FHOD3: variants seen among roughly 807,000 people sequenced by gnomAD.
FHOD3 encodes the protein FH1/FH2 domain-containing protein 3.
Under a neutral mutation model 173.0 loss-of-function variants are expected in FHOD3, and 90 were observed. The ratio of observed to expected loss-of-function variants is 0.52; its 90% CI spans 0.44 to 0.62. The LOEUF (loss-of-function observed/expected upper bound fraction) is 0.62. Among genes scored for constraint, FHOD3 ranks in the 20% least tolerant of loss-of-function variants. The pLI is 0.00. For missense variants in FHOD3, 1,945 were observed against 2,034.7 expected, an observed-to-expected ratio of 0.96 and a Z score of 0.85; for synonymous variants, 828 against 823.0, an observed-to-expected ratio of 1.01 and a Z score of -0.10.
chr18:36,611,990 C>A lies in FHOD3; in HGVS notation c.852C>A (p.Asp284Glu). 6.2e-7 allele frequency: 1 copy of A among 1,614,126 alleles called. No individual in the cohort carries two copies. Among genetic ancestry groups the A allele is most frequent in the Non-Finnish European group, 8.5e-7 (1 of 1,180,004 alleles). Residue 284 changes from aspartate (D) to glutamate (E), a missense_variant, in exon 9 of 29, where the codon GAC becomes GAA. Asp to Glu is a conservative substitution (Grantham distance 45). Around this residue, in one of 5 missense-constraint regions of FHOD3, gnomAD observed 1,099 missense variants for 1,051.2 expected, o/e 1.05. Transcript: ENST00000590592. ...SGLPDQDTFY[D>E]VVDCLEELGI... The stretch of plus-strand genomic sequence containing the variant: ...TACCAGACCAAGACACCTTCTACGA[C>A]GTCGTGGACTGCCTGGAGGAGCTGG...
intron 6 of FHOD3, among the ~76,000 whole-genome samples, chr18:36,592,086 G>A (rs758279192): frequency 7.9e-5 from 12 of 152,190 alleles, no homozygotes; most frequent in Non-Finnish European, 1.8e-4. Flanking sequence ...AGGCATGGTG[G>A]TGCGCACCTG....
At chr18:36,326,671 C>T (rs556436298) in intron 1 of FHOD3, among the ~76,000 whole-genome samples, 12 of 152,250 alleles carry the variant, frequency 7.9e-5, no homozygotes, top group African/African-American at 2.2e-4. Flanking sequence ...GGATCACTTG[C>T]GCCTAGGAGT....
intron 14 of FHOD3, among the ~76,000 whole-genome samples, chr18:36,666,373 G>A (rs1230678843): frequency 6.6e-6 from 1 of 152,212 alleles, no homozygotes; most frequent in Non-Finnish European, 1.5e-5. Context: ...GCTAGGATAT[G>A]ACCCTGAAGC....
chr18:36,761,614 C>A (rs2042883170), intron 27 of FHOD3, among the ~76,000 whole-genome samples: 1 of 152,164 alleles, frequency 6.6e-6, no homozygotes, highest in Non-Finnish European at 1.5e-5. Flanking sequence ...TCCCTCAGTT[C>A]AGGATGCCCG....
chr18:36,396,862 G>A (rs1047150843), intron 3 of FHOD3, among the ~76,000 whole-genome samples: 2 of 138,406 alleles, frequency 1.4e-5, no homozygotes, highest in African/African-American at 2.8e-5. Flanking sequence ...CTTTTAGCAG[G>A]AGGCTTGGTT....
intron 3 of FHOD3, among the ~76,000 whole-genome samples, chr18:36,462,514 G>A (rs1261175889): frequency 6.6e-6 from 1 of 152,034 alleles, no homozygotes; most frequent in Non-Finnish European, 1.5e-5. Context: ...TGTGTTTTTA[G>A]TAGAGATGGG....
intron 2 of FHOD3, among the ~76,000 whole-genome samples, chr18:36,365,020 A>G (rs527251149): frequency 2.9e-4 from 44 of 152,306 alleles, no homozygotes; most frequent in Non-Finnish European, 5.9e-4. Context: ...GTGTCCCATC[A>G]CAGGGTACGT....
intron 6 of FHOD3, among the ~76,000 whole-genome samples, chr18:36,585,598 C>T (rs2059000931): frequency 6.6e-6 from 1 of 152,218 alleles, no homozygotes; most frequent in Admixed American, 6.5e-5. Context: ...GGCTAAACAG[C>T]AGTTTCTTCC....
chr18:36,513,670 T>G (rs2055787048), intron 5 of FHOD3, among the ~76,000 whole-genome samples: 1 of 152,158 alleles, frequency 6.6e-6, no homozygotes, highest in Non-Finnish European at 1.5e-5. Context: ...TGCTTCCTTA[T>G]GTTCTGTGGC....
chr18:36,420,867 T>C (rs2049949169), intron 3 of FHOD3, among the ~76,000 whole-genome samples: 1 of 151,878 alleles, frequency 6.6e-6, no homozygotes, highest in Admixed American at 6.6e-5. Flanking sequence ...ATCTGAGGAG[T>C]GTAAATAGTA....
intron 3 of FHOD3, among the ~76,000 whole-genome samples, chr18:36,396,306 G>C (rs1422428948): frequency 2.0e-5 from 3 of 152,114 alleles, no homozygotes; most frequent in Non-Finnish European, 4.4e-5. Context: ...TTTTCTTATA[G>C]TTTTCAATAT....
chr18:36,415,375 G>T (rs1256843359), intron 3 of FHOD3, among the ~76,000 whole-genome samples: 1 of 152,226 alleles, frequency 6.6e-6, no homozygotes, highest in Non-Finnish European at 1.5e-5. Flanking sequence ...GAGCAGTGAG[G>T]CTGAGATAGG....
At chr18:36,663,683 T>G (rs1249674399) in intron 14 of FHOD3, among the ~76,000 whole-genome samples, 1 of 152,254 alleles carries the variant, frequency 6.6e-6, no homozygotes, top group Non-Finnish European at 1.5e-5. Flanking sequence ...AACACCTATC[T>G]CCACCATGTT....
chr18:36,616,663 C>T (rs1222495532), intron 9 of FHOD3, among the ~76,000 whole-genome samples: 1 of 152,198 alleles, frequency 6.6e-6, no homozygotes, highest in Non-Finnish European at 1.5e-5. Context: ...TAAAACATTA[C>T]AACTCAGAAG....
At chr18:36,765,132 T>G (rs972411174) in intron 27 of FHOD3, among the ~76,000 whole-genome samples, 3 of 152,148 alleles carry the variant, frequency 2.0e-5, no homozygotes, top group Admixed American at 2.0e-4. Flanking sequence ...GGATGGGGGT[T>G]GGAGGGAGGA....
chr18:36,611,908 A>C (rs749572966), intron 8 of FHOD3, 44 bp from the exon 9 acceptor site: 1 of 1,577,076 alleles, frequency 6.3e-7, no homozygotes, highest in Non-Finnish European at 8.6e-7. Flanking sequence ...GCCTCAAGGC[A>C]GTCTTCTGTG....
rs955594141 is a variant in FHOD3, at chr18:36,297,726, C to A, written c.-110C>A. The A allele has an allele frequency of 3.0e-4, 253 of 841,630 alleles. 1 individual carries two copies. Among genetic ancestry groups the A allele is most frequent in the Non-Finnish European group, 3.6e-4 (238 of 656,196 alleles). The allele number at this position is 841,630 out of a possible 1,614,324, so 52.1% of individuals were successfully genotyped here. A position where few individuals can be genotyped will look rare whatever the true frequency, so the allele number is the denominator to read the frequency against. Reference sequence around the variant, plus strand: ...CCCGGCGCGCCTGAGCCTGCGAGTCCGCGAGCCAGCGAGCTGCGGCTGCGG... The same window carrying A: ...CCCGGCGCGCCTGAGCCTGCGAGTCAGCGAGCCAGCGAGCTGCGGCTGCGG... On this transcript the variant is annotated 5_prime_UTR_variant, in exon 1 of 29. Coordinates refer to ENST00000590592, the MANE Select transcript of FHOD3 (RefSeq NM_001281740.3).
At chr18:36,476,224 G>A (rs968900665) in intron 3 of FHOD3, among the ~76,000 whole-genome samples, 1 of 152,134 alleles carries the variant, frequency 6.6e-6, no homozygotes, top group African/African-American at 2.4e-5. Flanking sequence ...TGCTGGCTGC[G>A]ACAGCTCCTG....
At chr18:36,678,157 G>C (rs1021251614) in intron 14 of FHOD3, among the ~76,000 whole-genome samples, 4 of 151,752 alleles carry the variant, frequency 2.6e-5, no homozygotes, top group African/African-American at 9.7e-5. Flanking sequence ...ATTCTGGCTT[G>C]GACCACCAGA....
Sources: gnomAD v4.1 joint callset for allele counts (sites outside exome capture counted in the v4.1 genomes callset) on GRCh38, gnomAD v4.1.1 for gene constraint, gnomAD v4.1.1 regional missense constraint, MANE v1.5 for transcripts, NCBI Gene and HGNC (gene_info 2026-07-23, HGNC 2026-07-21) for gene names.